Variants in PHYHIPL observed in about 807,000 individuals in gnomAD.
PHYHIPL encodes phytanoyl-CoA 2-hydroxylase interacting protein like.
Under a neutral mutation model 33.4 loss-of-function variants are expected in PHYHIPL, and 9 were observed. The observed-to-expected ratio is 0.27, with a 90% CI of 0.16 to 0.47. The LOEUF (loss-of-function observed/expected upper bound fraction) is 0.47, where lower values mean the gene tolerates loss of function less well. Ranked by LOEUF, PHYHIPL falls within the 20% of genes least tolerant of loss-of-function variation. PHYHIPL has a pLI of 0.99. For missense variants in PHYHIPL, 365 were observed against 460.7 expected, an observed-to-expected ratio of 0.79 and a Z score of 1.90; for synonymous variants, 153 against 154.1, an observed-to-expected ratio of 0.99 and a Z score of 0.05.
At chr10:59,178,493 T>C (rs1432265628) in intron 1 of PHYHIPL, among the ~76,000 whole-genome samples, 2 of 152,194 alleles carry the variant, frequency 1.3e-5, no homozygotes, top group Non-Finnish European at 2.9e-5. Flanking sequence ...AAATGACTTT[T>C]TGTAATGTAA....
In PHYHIPL at chr10:59,244,771, G is replaced by C. The variant is rs577090606; in HGVS notation, c.597-286G>C. Among the ~76,000 whole-genome samples the C allele has an allele frequency of 4.6e-5, 7 of 152,016 alleles. No individual in the cohort carries two copies. The South Asian group carries it at 1.5e-3, about 32-fold the overall frequency. Reference sequence around the variant, plus strand: ...AATGTATGTGTGATTTTACCTGTAAGGTTTCTAATTCCAGTTTGATTTTTC... The same window carrying C: ...AATGTATGTGTGATTTTACCTGTAACGTTTCTAATTCCAGTTTGATTTTTC... On this transcript the variant is annotated intron_variant, in intron 4 of 4. Coordinates refer to ENST00000373880, the MANE Select transcript of PHYHIPL (RefSeq NM_032439.4).
At chr10:59,185,890 G>A (rs1288643573) in intron 1 of PHYHIPL, among the ~76,000 whole-genome samples, 7 of 152,028 alleles carry the variant, frequency 4.6e-5, no homozygotes, top group South Asian at 2.1e-4. Flanking sequence ...AGTAGATTGC[G>A]AAAATTTTCT....
At chr10:59,173,921 GTTTTTTTTTTTTTTTTTTTTTTTT>G (rs368316005), upstream of PHYHIPL, among the ~76,000 whole-genome samples, 7,658 of 57,636 alleles carry the variant, frequency 0.13, 611 homozygotes, top group African/African-American at 0.29. Context: ...TACTTCTGAG[GTTTTTTTTTTTTTTTTTTTTTTTT>G]TTTTTTTTTT....
At chr10:59,179,993 C>T (rs1041651847) in intron 1 of PHYHIPL, among the ~76,000 whole-genome samples, 3 of 151,532 alleles carry the variant, frequency 2.0e-5, no homozygotes, top group Non-Finnish European at 2.9e-5. Flanking sequence ...GGTTTCTATT[C>T]CTATTGCAAG....
At chr10:59,198,431 A>AT (rs570504055) in intron 1 of PHYHIPL, among the ~76,000 whole-genome samples, 2 of 151,616 alleles carry the variant, frequency 1.3e-5, no homozygotes, top group African/African-American at 2.4e-5. Flanking sequence ...TATGTGCCAC[A>AT]TTTTTTTTAA....
At chr10:59,174,247 C>T (rs1165487718), upstream of PHYHIPL, among the ~76,000 whole-genome samples, 1 of 151,960 alleles carries the variant, frequency 6.6e-6, no homozygotes, top group Non-Finnish European at 1.5e-5. Context: ...CTCTTCTACC[C>T]CTTTCCCGTA....
intron 1 of PHYHIPL, among the ~76,000 whole-genome samples, chr10:59,182,724 G>C (rs1838443954): frequency 1.3e-5 from 2 of 151,984 alleles, no homozygotes; most frequent in Admixed American, 1.3e-4. Flanking sequence ...AGTCTGAGCA[G>C]AAAAAAATAG....
chr10:59,177,308 G>A, intron 1 of PHYHIPL: 2 of 667,068 alleles, frequency 3.0e-6, no homozygotes, highest in Admixed American at 3.2e-5. Context: ...GGGTCTCTGG[G>A]CACTGAAGGG....
intron 1 of PHYHIPL, among the ~76,000 whole-genome samples, chr10:59,182,446 G>C (rs1277524662): frequency 6.6e-6 from 1 of 152,000 alleles, no homozygotes; most frequent in African/African-American, 2.4e-5. Context: ...GGTTTCACGT[G>C]ACTCTCCTGC....
chr10:59,206,773 A>G, intron 1 of PHYHIPL: 1 of 1,234,274 alleles, frequency 8.1e-7, no homozygotes, highest in Non-Finnish European at 1.0e-6. Flanking sequence ...AAGAACTTAC[A>G]TCCAAACAGA....
chr10:59,231,156 A>G (rs1840069154), intron 1 of PHYHIPL, among the ~76,000 whole-genome samples: 1 of 152,158 alleles, frequency 6.6e-6, no homozygotes, highest in Admixed American at 6.5e-5. Context: ...TAAACCAAAG[A>G]AAACCCAGGT....
At chr10:59,188,751 G>A (rs777368643) in intron 1 of PHYHIPL, among the ~76,000 whole-genome samples, 4 of 151,828 alleles carry the variant, frequency 2.6e-5, no homozygotes, top group Non-Finnish European at 4.4e-5. Context: ...GATCTTTGTT[G>A]GTTTAAAGTC....
At chr10:59,200,017 C>T (rs1839049734) in intron 1 of PHYHIPL, among the ~76,000 whole-genome samples, 1 of 152,180 alleles carries the variant, frequency 6.6e-6, no homozygotes, top group African/African-American at 2.4e-5. Context: ...GTCAATTTGA[C>T]TTCCTCTTTT....
chr10:59,177,804 T>A (rs1564698031), intron 1 of PHYHIPL, among the ~76,000 whole-genome samples: 2 of 152,292 alleles, frequency 1.3e-5, no homozygotes, highest in South Asian at 2.1e-4. Flanking sequence ...ACTTTAGTAA[T>A]GTGGTACAAA....
intron 1 of PHYHIPL, among the ~76,000 whole-genome samples, chr10:59,207,721 C>T (rs1357742814): frequency 6.6e-6 from 1 of 152,110 alleles, no homozygotes; most frequent in Non-Finnish European, 1.5e-5. Flanking sequence ...GAAACCCTGT[C>T]TCTACTAAAA....
At chr10:59,183,769 G>A in intron 1 of PHYHIPL, 1 of 666,242 alleles carries the variant, frequency 1.5e-6, no homozygotes, top group Non-Finnish European at 1.9e-6. Context: ...ATTTAAAAGG[G>A]GCTGCTCCGT....
chr10:59,175,378 A>G (rs1838231548), upstream of PHYHIPL, among the ~76,000 whole-genome samples: 2 of 152,194 alleles, frequency 1.3e-5, no homozygotes, highest in African/African-American at 4.8e-5. Flanking sequence ...TGAAGCTTCA[A>G]TTAATTAGAC....
At chr10:59,214,040 G>A (rs1294895396) in intron 1 of PHYHIPL, among the ~76,000 whole-genome samples, 1 of 151,898 alleles carries the variant, frequency 6.6e-6, no homozygotes, top group Non-Finnish European at 1.5e-5. Context: ...GGGGAAAGAT[G>A]GATTATTCAA....
At chr10:59,177,679 C>T (rs1314273040) in intron 1 of PHYHIPL, 27 of 1,526,038 alleles carry the variant, frequency 1.8e-5, no homozygotes, top group Non-Finnish European at 2.4e-5. Flanking sequence ...TGGCAGGCTC[C>T]TGTGGAAGGA....
Sources: gnomAD v4.1 joint callset for allele counts (sites outside exome capture counted in the v4.1 genomes callset) on GRCh38, gnomAD v4.1.1 for gene constraint, MANE v1.5 for transcripts, NCBI Gene and HGNC (gene_info 2026-07-23, HGNC 2026-07-21) for gene names.